Variants in FHIT observed in about 807,000 individuals in gnomAD.
FHIT encodes bis(5'-adenosyl)-triphosphatase.
Under a neutral mutation model 17.9 loss-of-function variants are expected in FHIT, and 19 were observed. The observed-to-expected ratio is 1.06, with a 90% CI of 0.74 to 1.56. The LOEUF (loss-of-function observed/expected upper bound fraction) is 1.56. Ranked by LOEUF, FHIT falls within the 40% of genes most tolerant of loss-of-function variation. The pLI, the probability that FHIT is intolerant of heterozygous loss-of-function variation, is 0.00. For missense variants in FHIT, 248 were observed against 189.2 expected (o/e 1.31, Z -1.82); for synonymous variants, 81 against 69.7 (o/e 1.16, Z -0.81).
chr3:60,104,511 GC>G (rs1385297835), intron 5 of FHIT, among the ~76,000 whole-genome samples: 2 of 151,380 alleles, frequency 1.3e-5, no homozygotes, highest in Non-Finnish European at 2.9e-5. Context: ...CAATCAGTGG[GC>G]TTATAGAATA....
At chr3:59,768,491 GC>G (rs1461404924) in intron 8 of FHIT, among the ~76,000 whole-genome samples, 1 of 152,140 alleles carries the variant, frequency 6.6e-6, no homozygotes, top group Non-Finnish European at 1.5e-5. Flanking sequence ...GACTTAGGTG[GC>G]CCTCCAAGAT....
Position 59,752,190 on chromosome 3 carries a change from GGTCTGGGTAATGACGAAATGCA to G in FHIT, c.*5+9_*5+30del, listed in dbSNP as rs1272619755. 6.0e-6 allele frequency: 9 copies of G among 1,509,460 alleles called. No individual in the cohort carries two copies. The East Asian group carries it at 1.8e-4, about 31-fold the overall frequency. The allele number at this position is 1,509,460 out of a possible 1,614,324, so 93.5% of individuals were successfully genotyped here. A position where few individuals can be genotyped will look rare whatever the true frequency, so the allele number is the denominator to read the frequency against. On this transcript the variant is annotated intron_variant, in intron 9 of 9. Transcript: ENST00000492590. ...GCCTCTTTCCTGAGGCCCACGGGAG[GGTCTGGGTAATGACGAAATGCA>G]GTCTTTACCTGTGTCACTGAAAGTA...
At chr3:59,834,680 G>A (rs2106720014) in intron 8 of FHIT, among the ~76,000 whole-genome samples, 1 of 152,192 alleles carries the variant, frequency 6.6e-6, no homozygotes, top group East Asian at 1.9e-4. Context: ...CCATTCCTGA[G>A]GGGCCCTATC....
intron 8 of FHIT, among the ~76,000 whole-genome samples, chr3:59,820,055 G>T (rs541852970): frequency 6.6e-6 from 1 of 152,288 alleles, no homozygotes; most frequent in Non-Finnish European, 1.5e-5. Flanking sequence ...GACTTCCCAG[G>T]CTCCAGAACT....
chr3:60,523,045 A>G (rs1036974292), intron 5 of FHIT, among the ~76,000 whole-genome samples: 2 of 152,050 alleles, frequency 1.3e-5, no homozygotes, highest in Non-Finnish European at 2.9e-5. Context: ...GAAAGGGGAA[A>G]CTCCTTATAA....
At chr3:61,061,518 T>C (rs2034428960) in intron 2 of FHIT, among the ~76,000 whole-genome samples, 1 of 151,692 alleles carries the variant, frequency 6.6e-6, no homozygotes, top group Admixed American at 6.6e-5. Context: ...TAAATTTAAA[T>C]TAAAATTTGT....
At chr3:59,804,013 A>G (rs1700101295) in intron 8 of FHIT, among the ~76,000 whole-genome samples, 1 of 152,370 alleles carries the variant, frequency 6.6e-6, no homozygotes, top group Admixed American at 6.5e-5. Context: ...TCTCAGGGGT[A>G]GGGCTTCCAG....
At position 60,403,031 on chromosome 3, in the gene FHIT, T is replaced by A. The variant is rs533526151; in HGVS notation, c.103+133829A>T. The stretch of plus-strand genomic sequence containing the variant: ...AATAGTGCAAAACAAAGGTTTTGAC[T>A]GGTTCTCTGCTTTAGCATATGAATA... On this transcript the variant is annotated intron_variant, in intron 5 of 9. Coordinates refer to ENST00000492590, the MANE Select transcript of FHIT (RefSeq NM_002012.4). 2.2e-4 allele frequency among the ~76,000 whole-genome samples: 34 copies of A among 152,336 alleles called. 1 individual carries two copies. Among genetic ancestry groups the A allele is most frequent in the African/African-American group, 7.7e-4 (32 of 41,584 alleles).
At chr3:59,787,750 A>T (rs565151784) in intron 8 of FHIT, among the ~76,000 whole-genome samples, 49 of 152,350 alleles carry the variant, frequency 3.2e-4, no homozygotes, top group African/African-American at 1.1e-3. Flanking sequence ...CACTACTATT[A>T]GTCCCATTGG....
chr3:60,072,656 G>A (rs557397638), intron 5 of FHIT, among the ~76,000 whole-genome samples: 1 of 152,264 alleles, frequency 6.6e-6, no homozygotes, highest in South Asian at 2.1e-4. Flanking sequence ...CAGCATCACT[G>A]AGCTGGTAAG....
intron 8 of FHIT, among the ~76,000 whole-genome samples, chr3:59,836,948 C>T (rs78065786): frequency 0.03 from 4,547 of 152,208 alleles, 95 homozygotes; most frequent in Admixed American, 0.05. Flanking sequence ...TGTTATAGTG[C>T]TATTTCTAGT....
At chr3:60,554,384 T>A (rs780271553) in intron 4 of FHIT, among the ~76,000 whole-genome samples, 138 of 152,194 alleles carry the variant, frequency 9.1e-4, no homozygotes, top group Non-Finnish European at 1.7e-3. Flanking sequence ...CTTACTGTTA[T>A]GTATCTTTCT....
At chr3:60,836,020 T>G (rs1299598607) in intron 3 of FHIT, among the ~76,000 whole-genome samples, 2 of 152,222 alleles carry the variant, frequency 1.3e-5, no homozygotes, top group African/African-American at 4.8e-5. Flanking sequence ...CAGTTTTCTT[T>G]CTTTCCATCT....
chr3:60,140,496 T>A, intron 5 of FHIT, among the ~76,000 whole-genome samples: 1 of 151,552 alleles, frequency 6.6e-6, no homozygotes, highest in South Asian at 2.1e-4. Context: ...GTATGGCCAA[T>A]GACCACCACA....
chr3:60,042,787 T>C (rs116590994), intron 5 of FHIT, among the ~76,000 whole-genome samples: 1,674 of 152,152 alleles, frequency 0.011, 24 homozygotes, highest in African/African-American at 0.039. Flanking sequence ...AAAAAAGATA[T>C]TAATGTTCAA....
intron 4 of FHIT, among the ~76,000 whole-genome samples, chr3:60,661,845 T>C (rs1273610000): frequency 6.6e-6 from 1 of 152,212 alleles, no homozygotes; most frequent in Admixed American, 6.5e-5. Flanking sequence ...GTTATTTGTA[T>C]ATCTTCTTCT....
chr3:60,399,435 G>A (rs1236942982), intron 5 of FHIT, among the ~76,000 whole-genome samples: 2 of 152,110 alleles, frequency 1.3e-5, no homozygotes, highest in Admixed American at 1.3e-4. Flanking sequence ...CTCCCATAAT[G>A]ACTGCCATGG....
intron 5 of FHIT, among the ~76,000 whole-genome samples, chr3:60,109,005 G>T (rs1227935688): frequency 6.6e-6 from 1 of 152,076 alleles, no homozygotes; most frequent in African/African-American, 2.4e-5. Context: ...TTGTTAATCT[G>T]GTAATTTTCT....
chr3:60,460,785 A>T (rs1198060480), intron 5 of FHIT, among the ~76,000 whole-genome samples: 2 of 152,236 alleles, frequency 1.3e-5, no homozygotes, highest in East Asian at 3.8e-4. Flanking sequence ...TCACTCTAAA[A>T]TAGATGCAGG....
Sources: gnomAD v4.1 joint callset for allele counts (sites outside exome capture counted in the v4.1 genomes callset) on GRCh38, gnomAD v4.1.1 for gene constraint, MANE v1.5 for transcripts, NCBI Gene and HGNC (gene_info 2026-07-23, HGNC 2026-07-21) for gene names.